Variants in SASS6 observed in about 807,000 individuals in gnomAD.
SASS6 encodes the protein spindle assembly abnormal protein 6 homolog.
SASS6 carries 59 observed loss-of-function variants against 94.9 expected under a neutral mutation model. The observed-to-expected ratio is 0.62, with a 90% CI of 0.50 to 0.77. The LOEUF (loss-of-function observed/expected upper bound fraction) is 0.77, where lower values mean the gene tolerates loss of function less well. SASS6 is among the 30% of genes least tolerant of loss of function. SASS6 has a pLI of 0.00. For missense variants in SASS6, 698 were observed against 734.1 expected, an observed-to-expected ratio of 0.95 and a Z score of 0.57; for synonymous variants, 264 against 270.0, an observed-to-expected ratio of 0.98 and a Z score of 0.22.
chr1:100,132,372 T>C (rs1218782852), intron 1 of SASS6, among the ~76,000 whole-genome samples: 1 of 151,984 alleles, frequency 6.6e-6, no homozygotes, highest in Non-Finnish European at 1.5e-5. Context: ...AAGGCCTGAG[T>C]TCTAGTCCTG....
At chr1:100,095,529 T>C (rs1652047070) in intron 14 of SASS6, among the ~76,000 whole-genome samples, 1 of 152,028 alleles carries the variant, frequency 6.6e-6, no homozygotes, top group Non-Finnish European at 1.5e-5. Flanking sequence ...AGACTCTGTC[T>C]CAAAAAATAA....
chr1:100,114,537 T>A lies in SASS6; in HGVS notation c.670-4054A>T, dbSNP rs190361661. On this transcript the variant is annotated intron_variant, in intron 7 of 16. Transcript: ENST00000287482. The stretch of plus-strand genomic sequence containing the variant: ...CATCTCTAAAAAAAAAATAAATAAA[T>A]AAAAATAAAATAAAAATAAAAATAA... Among the ~76,000 whole-genome samples the A allele has an allele frequency of 5.9e-3, 889 of 149,702 alleles. 18 individuals are homozygous for A. Among genetic ancestry groups the A allele is most frequent in the South Asian group, 5.5e-3 (26 of 4,754 alleles).
chr1:100,125,324 T>C (rs1236338460), intron 2 of SASS6, among the ~76,000 whole-genome samples: 2 of 150,524 alleles, frequency 1.3e-5, no homozygotes, highest in Non-Finnish European at 3.0e-5. Context: ...AACTTCTAAG[T>C]GCACTGGGCA....
At chr1:100,087,679 A>G (rs560738575) in intron 15 of SASS6, among the ~76,000 whole-genome samples, 1 of 152,300 alleles carries the variant, frequency 6.6e-6, no homozygotes, top group South Asian at 2.1e-4. Flanking sequence ...CATTCTCTGT[A>G]TATTTCTAGC....
intron 14 of SASS6, chr1:100,099,623 A>G (rs1416899544): frequency 2.0e-5 from 3 of 152,192 alleles, no homozygotes; most frequent in Admixed American, 2.0e-4. Flanking sequence ...GCTCTGTGGG[A>G]GCTGATAAAC....
At chr1:100,121,789 A>G (rs1654219793) in intron 4 of SASS6, among the ~76,000 whole-genome samples, 1 of 152,196 alleles carries the variant, frequency 6.6e-6, no homozygotes, top group Non-Finnish European at 1.5e-5. Context: ...ACAAAAATTC[A>G]CTGAGTGCCA....
intron 14 of SASS6, among the ~76,000 whole-genome samples, chr1:100,096,765 T>A (rs1652135155): frequency 6.6e-6 from 1 of 152,164 alleles, no homozygotes; most frequent in Non-Finnish European, 1.5e-5. Context: ...TGATGTTAAA[T>A]AAGCACATGA....
At chr1:100,086,096 A>G (rs1651228858) in intron 15 of SASS6, among the ~76,000 whole-genome samples, 1 of 152,158 alleles carries the variant, frequency 6.6e-6, no homozygotes, top group African/African-American at 2.4e-5. Context: ...TCAAATTAAT[A>G]CAAATGAGAA....
chr1:100,126,364 C>T (rs58540374), intron 1 of SASS6, among the ~76,000 whole-genome samples: 5,029 of 152,236 alleles, frequency 0.033, 303 homozygotes, highest in African/African-American at 0.11. Flanking sequence ...ACCCTTACTG[C>T]CCTGATTCTA....
At chr1:100,120,840 G>A (rs1654138917) in intron 5 of SASS6, among the ~76,000 whole-genome samples, 1 of 151,928 alleles carries the variant, frequency 6.6e-6, no homozygotes, top group Non-Finnish European at 1.5e-5. Context: ...CACGAGGTCA[G>A]GAGATTGAGA....
chr1:100,123,503 T>C (rs998360903), intron 2 of SASS6, among the ~76,000 whole-genome samples: 1 of 152,164 alleles, frequency 6.6e-6, no homozygotes, highest in Non-Finnish European at 1.5e-5. Context: ...CACATGGAGG[T>C]CTGTAAAAGT....
intron 5 of SASS6, among the ~76,000 whole-genome samples, chr1:100,120,778 C>T (rs1364363070): frequency 2.0e-5 from 3 of 152,252 alleles, no homozygotes; most frequent in African/African-American, 4.8e-5. Context: ...GGGCCGGGCG[C>T]GGTGGCTCAC....
At chr1:100,117,208 C>T (rs1653855188) in intron 7 of SASS6, among the ~76,000 whole-genome samples, 1 of 151,016 alleles carries the variant, frequency 6.6e-6, no homozygotes, top group Admixed American at 6.6e-5. Flanking sequence ...AGGAGAATTG[C>T]TTGAACCTGG....
At chr1:100,124,350 G>A (rs1654413295) in intron 2 of SASS6, among the ~76,000 whole-genome samples, 1 of 152,128 alleles carries the variant, frequency 6.6e-6, no homozygotes, top group Non-Finnish European at 1.5e-5. Flanking sequence ...AATGTGTTCA[G>A]GGAAAGCTAT....
chr1:100,096,338 G>C lies in SASS6; in HGVS notation c.1674+6617C>G, dbSNP rs1331770310. On this transcript the variant is annotated intron_variant, in intron 14 of 16. Transcript: ENST00000287482. ...TAAGAACTGGATATTCAGAGCAGGG[G>C]GGAAAAATGAACTTAGATCCTTACT... 2.6e-5 allele frequency among the ~76,000 whole-genome samples: 4 copies of C among 152,070 alleles called. 1 individual carries two copies. The East Asian group carries it at 5.8e-4, about 22-fold the overall frequency.
intron 1 of SASS6, 121 bp downstream of exon 1, chr1:100,132,629 T>C: frequency 1.2e-6 from 1 of 857,758 alleles, no homozygotes; most frequent in South Asian, 1.3e-5. Context: ...CCTATCCGCT[T>C]CCTAGGGGGG....
At chr1:100,128,301 T>C (rs1440962691) in intron 1 of SASS6, among the ~76,000 whole-genome samples, 3 of 152,200 alleles carry the variant, frequency 2.0e-5, no homozygotes, top group Admixed American at 1.3e-4. Flanking sequence ...CCTCCCAAAG[T>C]GATAGCAGTA....
At position 100,126,086 on chromosome 1, in the gene SASS6, C is replaced by G. The variant is rs1166538218; in HGVS notation, c.66-144G>C. ...ATGAACAGAAGTTTGAAAAGCACAC[C>G]GGATTTGAAGCTTAATTTCTTCTTG... On this transcript the variant is annotated intron_variant, in intron 1 of 16. Coordinates refer to ENST00000287482, the MANE Select transcript of SASS6 (RefSeq NM_194292.3). 3 of 556,894 alleles carry G rather than the reference C, an allele frequency of 5.4e-6. No individual in the cohort carries two copies. In the East Asian group the frequency reaches 9.3e-5, roughly 17 times the overall value. The allele number at this position is 556,894 out of a possible 1,614,324, so 34.5% of individuals were successfully genotyped here.
At chr1:100,095,574 C>T (rs1384692707) in intron 14 of SASS6, among the ~76,000 whole-genome samples, 1 of 152,014 alleles carries the variant, frequency 6.6e-6, no homozygotes, top group East Asian at 1.9e-4. Context: ...CGGTTCTAGC[C>T]ATTACAATAA....
Sources: gnomAD v4.1 joint callset for allele counts (sites outside exome capture counted in the v4.1 genomes callset) on GRCh38, gnomAD v4.1.1 for gene constraint, MANE v1.5 for transcripts, NCBI Gene and HGNC (gene_info 2026-07-23, HGNC 2026-07-21) for gene names.